The following ZMYM2 variants were observed in gnomAD, a reference collection of about 807,000 sequenced individuals.
The protein encoded by ZMYM2 is zinc finger MYM-type containing 2.
Under a neutral mutation model 162.8 loss-of-function variants are expected in ZMYM2, and 56 were observed. The observed-to-expected ratio is 0.34, with a 90% CI of 0.28 to 0.43. The LOEUF (loss-of-function observed/expected upper bound fraction) is 0.43. Among genes scored for constraint, ZMYM2 ranks in the 20% least tolerant of loss-of-function variants. ZMYM2 has a pLI of 1.00. For synonymous variants in ZMYM2, 510 were observed against 541.6 expected, an observed-to-expected ratio of 0.94 and a Z score of 0.81; for missense variants, 1,275 against 1,621.8, an observed-to-expected ratio of 0.79 and a Z score of 3.67.
At chr13:19,994,116 A>G (rs1485344804) in intron 3 of ZMYM2, among the ~76,000 whole-genome samples, 197 bp downstream of exon 3, 2 of 152,238 alleles carry the variant, frequency 1.3e-5, no homozygotes, top group African/African-American at 4.8e-5. Flanking sequence ...GGATTACTAA[A>G]AAGTTAATCA....
chr13:19,908,001 T>G, the ZMYM2 span, among the ~76,000 whole-genome samples: 1 of 151,910 alleles, frequency 6.6e-6, no homozygotes, highest in Non-Finnish European at 1.5e-5. Flanking sequence ...TCTTAAGAAT[T>G]TTGCAGCCAG....
intron 2 of ZMYM2, among the ~76,000 whole-genome samples, chr13:19,992,092 T>C (rs1949674460): frequency 6.6e-6 from 1 of 152,202 alleles, no homozygotes; most frequent in African/African-American, 2.4e-5. Context: ...CTGATATCTT[T>C]GGTGACCTTT....
chr13:19,933,925 T>A, the ZMYM2 span, among the ~76,000 whole-genome samples: 3 of 152,212 alleles, frequency 2.0e-5, no homozygotes, highest in African/African-American at 7.2e-5. Flanking sequence ...AATCACAGTA[T>A]CCACTATACT....
chr13:20,069,775 CT>C (rs1268717975), intron 21 of ZMYM2, among the ~76,000 whole-genome samples: 3 of 150,174 alleles, frequency 2.0e-5, no homozygotes, highest in African/African-American at 7.3e-5. Context: ...TCAGAGTTTT[CT>C]TTTTTTAACG....
the ZMYM2 span, among the ~76,000 whole-genome samples, chr13:19,932,646 CA>C: frequency 3.5e-4 from 49 of 140,858 alleles, 1 homozygote; most frequent in South Asian, 4.5e-4. Context: ...AATTCATCTC[CA>C]AAAAAAAAAA....
In ZMYM2 at chr13:20,031,414, A is replaced by C. The variant is rs966182606; in HGVS notation, c.1947A>C (p.Lys649Asn). ...CNYCKNSFCSKPEILEWENKV... is the reference protein window; with the variant it reads ...CNYCKNSFCSNPEILEWENKV... Reference sequence around the variant, plus strand: ...ACTGCAAAAATTCCTTTTGTTCAAAACCAGAAATCCTGGAATGGGAGGCAA... The same window carrying C: ...ACTGCAAAAATTCCTTTTGTTCAAACCCAGAAATCCTGGAATGGGAGGCAA... Residue 649 changes from lysine (K) to asparagine (N), a missense_variant, in exon 10 of 25, where the codon AAA becomes AAC. Around this residue, in one of 10 missense-constraint regions of ZMYM2, gnomAD observed 276 missense variants for 311.8 expected, o/e 0.89. Coordinates refer to ENST00000610343, the MANE Select transcript of ZMYM2 (RefSeq NM_197968.4). The C allele has an allele frequency of 1.2e-6, 2 of 1,604,784 alleles. No homozygotes were observed. The highest frequency in any genetic ancestry group is 1.7e-6 in the Non-Finnish European group (2 of 1,176,954).
At chr13:19,921,196 A>G in the ZMYM2 span, among the ~76,000 whole-genome samples, 1 of 151,904 alleles carries the variant, frequency 6.6e-6, no homozygotes, top group African/African-American at 2.4e-5. Flanking sequence ...CTGGAGTGCA[A>G]TGGCATAATC....
chr13:19,885,968 T>TAC, the ZMYM2 span, among the ~76,000 whole-genome samples: 198 of 101,920 alleles, frequency 1.9e-3, 43 homozygotes, highest in Non-Finnish European at 3.3e-3. Context: ...TATATGTGTA[T>TAC]ACACATATAT....
At chr13:20,011,863 C>T (rs1185595846) in intron 6 of ZMYM2, among the ~76,000 whole-genome samples, 1 of 151,978 alleles carries the variant, frequency 6.6e-6, no homozygotes, top group Non-Finnish European at 1.5e-5. Flanking sequence ...ATTATCCTGC[C>T]TCAGCCTCCC....
chr13:19,956,715 G>A (rs1954533523), upstream of ZMYM2, among the ~76,000 whole-genome samples: 1 of 152,320 alleles, frequency 6.6e-6, no homozygotes, highest in South Asian at 2.1e-4. Flanking sequence ...TGAACAGTAC[G>A]TGGCAACCCA....
intron 24 of ZMYM2, among the ~76,000 whole-genome samples, 172 bp downstream of exon 24, chr13:20,083,948 T>C (rs925672079): frequency 1.2e-4 from 19 of 152,246 alleles, no homozygotes; most frequent in African/African-American, 4.1e-4. Context: ...ACCCAGTTTA[T>C]ACATCATACT....
At chr13:19,927,005 A>G in the ZMYM2 span, among the ~76,000 whole-genome samples, 1 of 152,120 alleles carries the variant, frequency 6.6e-6, no homozygotes, top group Non-Finnish European at 1.5e-5. Flanking sequence ...AACTACTAAA[A>G]TTTTCTATTT....
upstream of ZMYM2, among the ~76,000 whole-genome samples, chr13:19,957,898 C>A (rs1273135618): frequency 6.6e-6 from 1 of 152,220 alleles, no homozygotes; most frequent in Admixed American, 6.5e-5. Flanking sequence ...CCCCTGTGGC[C>A]CCGCGGACGC....
the ZMYM2 span, among the ~76,000 whole-genome samples, chr13:19,903,678 G>A: frequency 6.6e-6 from 1 of 151,184 alleles, no homozygotes; most frequent in Non-Finnish European, 1.5e-5. Flanking sequence ...AAGACTAGCC[G>A]GGCAACATGG....
chr13:19,951,527 TAA>T, the ZMYM2 span, among the ~76,000 whole-genome samples: 12 of 76,436 alleles, frequency 1.6e-4, no homozygotes, highest in African/African-American at 6.3e-4. Context: ...CCATCTCTAC[TAA>T]AAAAAAAAAA....
the ZMYM2 span, among the ~76,000 whole-genome samples, chr13:19,879,406 T>G: frequency 2.6e-5 from 4 of 152,306 alleles, no homozygotes; most frequent in African/African-American, 9.6e-5. Context: ...CAAAACCATT[T>G]TGTATTTTTC....
chr13:19,980,248 G>C (rs1289569139), intron 2 of ZMYM2, among the ~76,000 whole-genome samples: 1 of 151,806 alleles, frequency 6.6e-6, no homozygotes, highest in Non-Finnish European at 1.5e-5. Flanking sequence ...ATATTTCTCA[G>C]TTGCTTCCCA....
At chr13:20,041,096 A>G (rs1276688148) in intron 12 of ZMYM2, among the ~76,000 whole-genome samples, 1 of 152,080 alleles carries the variant, frequency 6.6e-6, no homozygotes, top group Non-Finnish European at 1.5e-5. Context: ...TGGGGTGTCC[A>G]TTTGATTCTA....
At chr13:20,084,900 A>G (rs1338226272) in intron 24 of ZMYM2, among the ~76,000 whole-genome samples, 1 of 152,218 alleles carries the variant, frequency 6.6e-6, no homozygotes, top group Non-Finnish European at 1.5e-5. Context: ...GGATGATATT[A>G]GTACAAGTTG....
Sources: gnomAD v4.1 joint callset for allele counts (sites outside exome capture counted in the v4.1 genomes callset) on GRCh38, gnomAD v4.1.1 for gene constraint, gnomAD v4.1.1 regional missense constraint, MANE v1.5 for transcripts, NCBI Gene and HGNC (gene_info 2026-07-23, HGNC 2026-07-21) for gene names.